Variants in PTPRC observed in about 807,000 individuals in gnomAD.
PTPRC encodes the protein receptor-type tyrosine-protein phosphatase C.
PTPRC carries 44 observed loss-of-function variants against 155.9 expected under a neutral mutation model. The ratio of observed to expected loss-of-function variants is 0.28; its 90% CI spans 0.22 to 0.36. The LOEUF (loss-of-function observed/expected upper bound fraction) is 0.36. PTPRC is among the 10% of genes least tolerant of loss of function. The pLI is 1.00. For synonymous variants in PTPRC, 525 were observed against 533.1 expected, an observed-to-expected ratio of 0.98 and a Z score of 0.21; for missense variants, 1,401 against 1,564.6, an observed-to-expected ratio of 0.90 and a Z score of 1.76.
Position 198,734,324 on chromosome 1 carries a change from C to T in PTPRC, c.2180-4C>T. The T allele has an allele frequency of 6.2e-7, 1 of 1,610,930 alleles. No individual in the cohort carries two copies. The highest frequency in any genetic ancestry group is 2.2e-5 in the East Asian group (1 of 44,724). On this transcript the variant is annotated splice_region_variant and splice_polypyrimidine_tract_variant and intron_variant, in intron 21 of 32. Coordinates refer to ENST00000442510, the MANE Select transcript of PTPRC (RefSeq NM_002838.5). ...TTATCAGCTTTTATTTGTTTACCTC[C>T]TAGGTCCCAGGGATGAAACTGTTGA...
At position 198,756,448 on chromosome 1, in the gene PTPRC, G is replaced by A. The variant is rs1214753190; in HGVS notation, c.*267G>A. On this transcript the variant is annotated 3_prime_UTR_variant, in exon 33 of 33. Transcript: ENST00000442510. ...AATCGTTATGTGTGTATATGTATGT[G>A]TGTATGGGTGTGTGTTTGTGTGAGA... The A allele has an allele frequency of 2.6e-6, 1 of 377,470 alleles. No individual in the cohort carries two copies. The highest frequency in any genetic ancestry group is 4.8e-6 in the Non-Finnish European group (1 of 206,724). 23.4% of individuals were successfully genotyped at this position (377,470 alleles called of 1,614,324 possible). A position where few individuals can be genotyped will look rare whatever the true frequency, so the allele number is the denominator to read the frequency against.
intron 2 of PTPRC, among the ~76,000 whole-genome samples, chr1:198,644,877 C>G (rs1662851014): frequency 6.6e-6 from 1 of 151,730 alleles, no homozygotes; most frequent in Non-Finnish European, 1.5e-5. Context: ...TTTATTTCCT[C>G]TAAAAATGAG....
intron 11 of PTPRC, among the ~76,000 whole-genome samples, chr1:198,710,324 G>A (rs1321957200): frequency 2.0e-5 from 3 of 152,054 alleles, no homozygotes; most frequent in African/African-American, 7.2e-5. Flanking sequence ...TTACACTGTC[G>A]ATTACTGCTG....
intron 2 of PTPRC, among the ~76,000 whole-genome samples, chr1:198,671,502 T>A (rs144094096): frequency 2.0e-5 from 3 of 152,320 alleles, no homozygotes; most frequent in Non-Finnish European, 4.4e-5. Context: ...TCTCCTCTAC[T>A]GTGATGCTAT....
intron 2 of PTPRC, among the ~76,000 whole-genome samples, chr1:198,646,777 T>C (rs1206055388): frequency 6.6e-6 from 1 of 151,902 alleles, no homozygotes; most frequent in African/African-American, 2.4e-5. Flanking sequence ...TCTTATTAGC[T>C]TTCACACTTA....
chr1:198,652,952 A>G (rs57114949), intron 2 of PTPRC, among the ~76,000 whole-genome samples: 58,866 of 151,404 alleles, frequency 0.39, 11,825 homozygotes, highest in East Asian at 0.68. Flanking sequence ...TTCTGGAAGT[A>G]GAACGAGTCA....
chr1:198,740,395 T>A (rs1042058229), intron 23 of PTPRC, among the ~76,000 whole-genome samples: 1 of 151,764 alleles, frequency 6.6e-6, no homozygotes, highest in African/African-American at 2.4e-5. Flanking sequence ...CTGGCCAATA[T>A]GGTGAAACCC....
At position 198,683,933 on chromosome 1, in the gene PTPRC, G is replaced by A. The variant is rs530122850; in HGVS notation, c.74-8414G>A. Among the ~76,000 whole-genome samples the A allele has an allele frequency of 6.0e-5, 9 of 148,976 alleles. No individual in the cohort carries two copies. The East Asian group carries it at 1.6e-3, about 26-fold the overall frequency. On this transcript the variant is annotated intron_variant, in intron 2 of 32. Transcript: ENST00000442510. Reference sequence around the variant, plus strand: ...GTGGCAAATACTTTTAGGAGATCTTGAGCTAAACGAAGTGACATAAGTTTC... The same window carrying A: ...GTGGCAAATACTTTTAGGAGATCTTAAGCTAAACGAAGTGACATAAGTTTC...
intron 27 of PTPRC, 124 bp downstream of exon 27, chr1:198,748,323 A>T: frequency 7.6e-7 from 1 of 1,308,160 alleles, no homozygotes; most frequent in Non-Finnish European, 1.0e-6. Flanking sequence ...GGTTGTTAAT[A>T]GGGAAGAAGT....
intron 12 of PTPRC, among the ~76,000 whole-genome samples, chr1:198,715,209 G>A (rs1571863557): frequency 1.3e-5 from 2 of 151,978 alleles, no homozygotes; most frequent in Non-Finnish European, 2.9e-5. Flanking sequence ...TGCAAGCTCC[G>A]CCTCCCAGGT....
intron 2 of PTPRC, among the ~76,000 whole-genome samples, chr1:198,646,510 T>C (rs1419848947): frequency 2.0e-5 from 3 of 151,842 alleles, no homozygotes; most frequent in Non-Finnish European, 4.4e-5. Context: ...CTACAAAAAA[T>C]ATAATTTATG....
intron 12 of PTPRC, among the ~76,000 whole-genome samples, chr1:198,714,005 T>C (rs1653441222): frequency 1.3e-5 from 2 of 152,214 alleles, no homozygotes; most frequent in African/African-American, 4.8e-5. Context: ...GTTTTCAAAT[T>C]AACATTCAAA....
chr1:198,668,063 G>C (rs369558384), intron 2 of PTPRC, among the ~76,000 whole-genome samples: 1 of 152,158 alleles, frequency 6.6e-6, no homozygotes, highest in Non-Finnish European at 1.5e-5. Flanking sequence ...CCTAACAGTA[G>C]AATAATGATT....
chr1:198,720,028 C>T (rs1047284224), intron 14 of PTPRC, among the ~76,000 whole-genome samples: 3 of 151,968 alleles, frequency 2.0e-5, no homozygotes, highest in African/African-American at 2.4e-5. Flanking sequence ...TAGATGATGC[C>T]ATAGTTGTGA....
In PTPRC at chr1:198,709,679, T is replaced by C; in HGVS notation, c.1034-8T>C. The stretch of plus-strand genomic sequence containing the variant: ...GATATATTCATTCGAAATATTTCTT[T>C]ATTTCAGGTAATATGATATTTGATA... On this transcript the variant is annotated splice_polypyrimidine_tract_variant and splice_region_variant and intron_variant, in intron 10 of 32. Transcript: ENST00000442510. The C allele has an allele frequency of 6.5e-7, 1 of 1,546,486 alleles. No individual in the cohort carries two copies. Among genetic ancestry groups the C allele is most frequent in the Non-Finnish European group, 8.8e-7 (1 of 1,131,506 alleles).
chr1:198,686,409 C>G (rs985661631), intron 2 of PTPRC, among the ~76,000 whole-genome samples: 8 of 152,094 alleles, frequency 5.3e-5, no homozygotes, highest in Non-Finnish European at 4.4e-5. Flanking sequence ...TAGAAAATTT[C>G]ATCCCTAGAA....
chr1:198,687,714 TTTAACA>T (rs1438330623), intron 2 of PTPRC, among the ~76,000 whole-genome samples: 1 of 152,130 alleles, frequency 6.6e-6, no homozygotes, highest in African/African-American at 2.4e-5. Context: ...TGGTAAAATG[TTTAACA>T]TTAAAAAGAC....
chr1:198,698,804 A>T (rs1241002736), intron 4 of PTPRC, among the ~76,000 whole-genome samples: 1 of 152,230 alleles, frequency 6.6e-6, no homozygotes, highest in South Asian at 2.1e-4. Context: ...ATAGGATTAA[A>T]GTATATAAAA....
At chr1:198,723,089 T>C (rs1571871015) in intron 15 of PTPRC, among the ~76,000 whole-genome samples, 1 of 148,666 alleles carries the variant, frequency 6.7e-6, no homozygotes, top group African/African-American at 2.4e-5. Context: ...ATTTCTATTT[T>C]TGGGTCTCCT....
Sources: allele counts gnomAD v4.1 joint callset (sites outside exome capture counted in the v4.1 genomes callset), GRCh38; gene constraint gnomAD v4.1.1; transcripts MANE v1.5; gene names NCBI Gene and HGNC (gene_info 2026-07-23, HGNC 2026-07-21).